TET1: variants seen among roughly 807,000 people sequenced by gnomAD.
The protein encoded by TET1 is methylcytosine dioxygenase TET1.
Under a neutral mutation model 148.7 loss-of-function variants are expected in TET1, and 13 were observed. The observed-to-expected ratio is 0.09, with a 90% CI of 0.06 to 0.14. The LOEUF (loss-of-function observed/expected upper bound fraction) is 0.14, where lower values mean the gene tolerates loss of function less well. Among genes scored for constraint, TET1 ranks in the 10% least tolerant of loss-of-function variants. TET1 has a pLI of 1.00. For missense variants in TET1, 2,182 were observed against 2,553.8 expected (o/e 0.85, Z 3.14); for synonymous variants, 907 against 937.2 (o/e 0.97, Z 0.59).
At chr10:68,674,328 T>C (rs932842161) in intron 8 of TET1, 3 of 201,552 alleles carry the variant, frequency 1.5e-5, no homozygotes, top group Non-Finnish European at 3.0e-5. Context: ...TGAGCAGCAC[T>C]GTAGTGGTTG....
intron 2 of TET1, among the ~76,000 whole-genome samples, chr10:68,599,567 C>T (rs1034419734): frequency 2.0e-5 from 3 of 152,184 alleles, no homozygotes; most frequent in Non-Finnish European, 2.9e-5. Flanking sequence ...ACCCACTGGG[C>T]GTGGGGGCAG....
At chr10:68,594,951 C>A (rs1306723219) in intron 2 of TET1, among the ~76,000 whole-genome samples, 1 of 148,614 alleles carries the variant, frequency 6.7e-6, no homozygotes, top group East Asian at 2.0e-4. Flanking sequence ...TGCACTCCAG[C>A]CTGGGCAACA....
intron 6 of TET1, among the ~76,000 whole-genome samples, chr10:68,655,228 A>T (rs1731143534): frequency 6.6e-6 from 1 of 152,218 alleles, no homozygotes; most frequent in Admixed American, 6.5e-5. Flanking sequence ...CCCCAGTTAT[A>T]AATCTCCCAA....
At chr10:68,611,996 T>A (rs2054223227) in intron 3 of TET1, among the ~76,000 whole-genome samples, 1 of 152,110 alleles carries the variant, frequency 6.6e-6, no homozygotes, top group Non-Finnish European at 1.5e-5. Context: ...CTGAGAAATA[T>A]AAGCCTATAT....
intron 2 of TET1, among the ~76,000 whole-genome samples, chr10:68,583,584 A>C (rs2053825968): frequency 6.6e-6 from 1 of 152,292 alleles, no homozygotes; most frequent in Non-Finnish European, 1.5e-5. Context: ...TTTCTAAAGA[A>C]GGCCCTGATG....
At chr10:68,654,664 C>T (rs1229325634) in intron 6 of TET1, among the ~76,000 whole-genome samples, 3 of 151,958 alleles carry the variant, frequency 2.0e-5, no homozygotes, top group Non-Finnish European at 2.9e-5. Flanking sequence ...ATTAATAGAA[C>T]CAGGTGGGGG....
chr10:68,691,528 C>T lies in TET1; in HGVS notation c.6125C>T (p.Thr2042Ile), dbSNP rs1175161157. 3 of 1,614,030 alleles carry T rather than the reference C, an allele frequency of 1.9e-6. No homozygotes were observed. Among genetic ancestry groups the T allele is most frequent in the East Asian group, 4.5e-5 (2 of 44,890 alleles). ...PVEHPNRNHP[T>I]RLSLVFYQHK... is the part of the protein sequence containing the mutation. ...GAGCACCCCAACCGTAATCATCCAACCCGCCTCTCCCTTGTCTTTTACCAG... is the reference window on the plus strand; with the variant it reads ...GAGCACCCCAACCGTAATCATCCAATCCGCCTCTCCCTTGTCTTTTACCAG... The change falls in exon 12 of 12, where the codon ACC becomes ATC. Residue 2042 changes from threonine to isoleucine, a missense_variant. Physicochemically the swap from Thr to Ile is moderately conservative, Grantham distance 89. Coordinates refer to ENST00000373644, the MANE Select transcript of TET1 (RefSeq NM_030625.3). The surrounding 1 kb of genome is among the most constrained non-coding windows in gnomAD (Gnocchi z 4.4).
intron 11 of TET1, among the ~76,000 whole-genome samples, chr10:68,686,969 G>A (rs867281937): frequency 7.3e-5 from 11 of 151,084 alleles, no homozygotes; most frequent in Admixed American, 4.0e-4. Flanking sequence ...CTCACTGCAA[G>A]CTCTGCCTCC....
Position 68,640,544 on chromosome 10 carries a change from C to CTTTTTTTTTTTTTT in TET1, c.1969-4142_1969-4129dup, listed in dbSNP as rs60460824. On this transcript the variant is annotated intron_variant, in intron 3 of 11. Coordinates refer to ENST00000373644, the MANE Select transcript of TET1 (RefSeq NM_030625.3). The stretch of plus-strand genomic sequence containing the variant: ...AAATATTCTTTTTCTTTCTTTCTTT[C>CTTTTTTTTTTTTTT]TTTTTTTTTTTTTTTTTTTTTTTTT... Among the ~76,000 whole-genome samples, 34 of 42,884 alleles carry CTTTTTTTTTTTTTT rather than the reference C, an allele frequency of 7.9e-4. 9 individuals carry two copies. Among genetic ancestry groups the CTTTTTTTTTTTTTT allele is most frequent in the Non-Finnish European group, 9.6e-4 (25 of 26,032 alleles). The allele number at this position is 42,884 out of a possible 152,430, so 28.1% of individuals were successfully genotyped here.
chr10:68,689,478 G>A (rs1319310077), intron 11 of TET1, among the ~76,000 whole-genome samples: 2 of 151,876 alleles, frequency 1.3e-5, no homozygotes, highest in African/African-American at 2.4e-5. Context: ...AGAGGCGGGC[G>A]GATCATGAGG....
At chr10:68,590,277 T>G (rs886982171) in intron 2 of TET1, among the ~76,000 whole-genome samples, 2 of 151,808 alleles carry the variant, frequency 1.3e-5, no homozygotes, top group African/African-American at 2.4e-5. Flanking sequence ...CATGCCCGGC[T>G]AGTGTTTTTG....
Position 68,573,278 on chromosome 10 carries a change from TGCTTGGCTCTTGGTGG to T in TET1, c.942_957del (p.Ala316ArgfsTer6). 6.2e-7 allele frequency: 1 copy of T among 1,614,134 alleles called. No homozygotes were observed. Among genetic ancestry groups the T allele is most frequent in the East Asian group, 2.2e-5 (1 of 44,886 alleles). On this transcript the variant is annotated frameshift_variant, in exon 2 of 12. Transcript: ENST00000373644. LOFTEE classifies it high-confidence loss of function. ...TATACCTGACTTGAACCTTAGAAAC[TGCTTGGCTCTTGGTGG>T]GTCTACGTCTCCTACCTCTGTAATA...
At chr10:68,619,926 T>C (rs1363958284) in intron 3 of TET1, among the ~76,000 whole-genome samples, 2 of 152,100 alleles carry the variant, frequency 1.3e-5, no homozygotes, top group African/African-American at 4.8e-5. Context: ...GGCATGGTGG[T>C]TCATTCCTGT....
intron 3 of TET1, among the ~76,000 whole-genome samples, chr10:68,637,335 A>T (rs1483372804): frequency 6.6e-6 from 1 of 152,086 alleles, no homozygotes; most frequent in African/African-American, 2.4e-5. Context: ...TTGATGGCTG[A>T]AATTCTGAAC....
At chr10:68,628,312 T>A (rs1299290840) in intron 3 of TET1, among the ~76,000 whole-genome samples, 1 of 152,214 alleles carries the variant, frequency 6.6e-6, no homozygotes, top group Non-Finnish European at 1.5e-5. Context: ...AAATCTGTTT[T>A]CTCAAGAAAA....
At chr10:68,656,120 G>T (rs2055017176) in intron 6 of TET1, among the ~76,000 whole-genome samples, 1 of 151,892 alleles carries the variant, frequency 6.6e-6, no homozygotes, top group African/African-American at 2.4e-5. Context: ...ACAAGCTCAG[G>T]GCTCCCACTG....
chr10:68,566,259 T>C (rs916323847), intron 1 of TET1, among the ~76,000 whole-genome samples: 4 of 152,222 alleles, frequency 2.6e-5, no homozygotes, highest in African/African-American at 9.7e-5. Flanking sequence ...AGTATAATCT[T>C]GATACAAGAG....
intron 2 of TET1, among the ~76,000 whole-genome samples, chr10:68,595,965 C>CATATATATATATAT (rs2053978906): frequency 6.9e-5 from 2 of 28,810 alleles, no homozygotes; most frequent in Non-Finnish European, 1.3e-4. Context: ...TATATATACA[C>CATATATATATATAT]ACACACACAC....
At chr10:68,587,709 T>C (rs976229182) in intron 2 of TET1, among the ~76,000 whole-genome samples, 11 of 152,098 alleles carry the variant, frequency 7.2e-5, no homozygotes, top group African/African-American at 2.4e-4. Flanking sequence ...CACAGGAAGC[T>C]GGCAAAGGAA....
Sources: allele counts gnomAD v4.1 joint callset (sites outside exome capture counted in the v4.1 genomes callset), GRCh38; gene constraint gnomAD v4.1.1; non-coding constraint Gnocchi (gnomAD v3.1); transcripts MANE v1.5; gene names NCBI Gene and HGNC (gene_info 2026-07-23, HGNC 2026-07-21).